The following AFAP1 variants were observed in gnomAD, a reference collection of about 807,000 sequenced individuals.
AFAP1 encodes the protein actin filament-associated protein 1.
A neutral mutation model predicts 93.9 loss-of-function variants in AFAP1; 75 were observed. That is an observed-to-expected ratio of 0.80 (90% CI 0.66 to 0.97). AFAP1 has a LOEUF of 0.97. Among genes scored for constraint, AFAP1 ranks in the 50% least tolerant of loss-of-function variants. AFAP1 has a pLI of 0.00. For synonymous variants in AFAP1, 517 were observed against 430.7 expected (o/e 1.20, Z -2.48); for missense variants, 1,201 against 1,050.8 (o/e 1.14, Z -1.98).
chr4:7,799,762 T>C (rs769877935), intron 10 of AFAP1, among the ~76,000 whole-genome samples: 2 of 152,170 alleles, frequency 1.3e-5, no homozygotes, highest in East Asian at 1.9e-4. Flanking sequence ...TTTTCTATGA[T>C]GAAAAATTAA....
rs531684652 is a variant in AFAP1 at position 7,801,914 on chromosome 4, C to CAAAAA, written c.1055-1266_1055-1262dup. On this transcript the variant is annotated intron_variant, in intron 9 of 17. Coordinates refer to ENST00000420658, the MANE Select transcript of AFAP1 (RefSeq NM_001134647.2). Reference sequence around the variant, plus strand: ...TGAGCAACACAGTGAGACCCTATCACAAAAAAAAAAAAAAAAAAAAAAAAA... The same window carrying CAAAAA: ...TGAGCAACACAGTGAGACCCTATCACAAAAAAAAAAAAAAAAAAAAAAAAAAAAAA... 1.1e-3 allele frequency among the ~76,000 whole-genome samples: 72 copies of CAAAAA among 65,190 alleles called. 4 individuals carry two copies. The highest frequency in any genetic ancestry group is 3.7e-3 in the African/African-American group (61 of 16,588). The allele number at this position is 65,190 out of a possible 152,430, so 42.8% of individuals were successfully genotyped here.
chr4:7,844,917 G>C (rs934205637), intron 4 of AFAP1, among the ~76,000 whole-genome samples: 1 of 152,190 alleles, frequency 6.6e-6, no homozygotes, highest in Non-Finnish European at 1.5e-5. Context: ...AGATGAATGA[G>C]AGATAAGGAG....
At chr4:7,916,133 A>C (rs1720074152) in intron 1 of AFAP1, among the ~76,000 whole-genome samples, 1 of 152,156 alleles carries the variant, frequency 6.6e-6, no homozygotes, top group South Asian at 2.1e-4. Flanking sequence ...GAAATGGGCA[A>C]TGTGCTTTGG....
chr4:7,855,475 T>G lies in AFAP1; in HGVS notation c.325A>C (p.Ile109Leu), dbSNP rs765123356. 1 of 1,607,110 alleles carries G rather than the reference T, an allele frequency of 6.2e-7. No homozygotes were observed. Among genetic ancestry groups the G allele is most frequent in the Admixed American group, 1.7e-5 (1 of 59,540 alleles). The change falls in exon 4 of 18, where the codon ATC becomes CTC. Residue 109 changes from isoleucine (I) to leucine (L), a missense_variant. Coordinates refer to ENST00000420658, the MANE Select transcript of AFAP1 (RefSeq NM_001134647.2). ...PLSPGKAPEY[I>L]TSNYDSDAMS... ...AGGGCTGGCCACTCACTTGATGTGA[T>G]GTATTCCGGAGCTTTTCCGGGGCTC...
At chr4:7,855,776 C>G (rs1250211198) in intron 3 of AFAP1, among the ~76,000 whole-genome samples, 1 of 152,230 alleles carries the variant, frequency 6.6e-6, no homozygotes, top group Non-Finnish European at 1.5e-5. Context: ...CTTGCCCCAG[C>G]CCTGGCCACA....
chr4:7,771,222 G>C (rs1021196080), intron 16 of AFAP1, among the ~76,000 whole-genome samples: 4 of 152,228 alleles, frequency 2.6e-5, no homozygotes. Context: ...AGCACACAGA[G>C]GGAACACAGA....
Position 7,807,545 on chromosome 4 carries a change from G to C in AFAP1, c.1054+2069C>G, listed in dbSNP as rs933470020. On this transcript the variant is annotated intron_variant, in intron 9 of 17. Coordinates refer to ENST00000420658, the MANE Select transcript of AFAP1 (RefSeq NM_001134647.2). ...CATCAGTACCAACTGGCCTGCTTCT[G>C]TGACTCAACTGCCATTTGACCAAGT... is the stretch of plus-strand genomic sequence containing the variant. 2.0e-5 allele frequency among the ~76,000 whole-genome samples: 3 copies of C among 152,212 alleles called. No homozygotes were observed. The East Asian group carries it at 5.8e-4, about 29-fold the overall frequency.
At chr4:7,862,632 G>GCTAT (rs1715866123) in intron 3 of AFAP1, among the ~76,000 whole-genome samples, 1 of 152,140 alleles carries the variant, frequency 6.6e-6, no homozygotes, top group Non-Finnish European at 1.5e-5. Flanking sequence ...AGGAAACTTG[G>GCTAT]CTATAATCTG....
chr4:7,831,393 T>TAAAAA (rs34512873), intron 6 of AFAP1, among the ~76,000 whole-genome samples: 3,003 of 137,790 alleles, frequency 0.022, 93 homozygotes, highest in African/African-American at 0.07. Flanking sequence ...CAGCAAATGC[T>TAAAAA]AAAAAAAAAA....
At chr4:7,925,825 A>G (rs762791466) in intron 1 of AFAP1, among the ~76,000 whole-genome samples, 2 of 146,348 alleles carry the variant, frequency 1.4e-5, no homozygotes, top group South Asian at 2.2e-4. Context: ...AGCCTAGGCA[A>G]TAAGAGCGAA....
intron 17 of AFAP1, among the ~76,000 whole-genome samples, chr4:7,767,642 A>G (rs1714792586): frequency 6.6e-6 from 1 of 152,008 alleles, no homozygotes; most frequent in Non-Finnish European, 1.5e-5. Context: ...ATGGAGGACC[A>G]CTGTTCTGGG....
At chr4:7,872,411 G>A in intron 1 of AFAP1, 1 of 211,014 alleles carries the variant, frequency 4.7e-6, no homozygotes, top group South Asian at 1.2e-4. Context: ...TCAATGTCAA[G>A]AAGGAGATGG....
intron 9 of AFAP1, among the ~76,000 whole-genome samples, chr4:7,805,166 G>A (rs1719392331): frequency 6.6e-6 from 1 of 152,134 alleles, no homozygotes; most frequent in Non-Finnish European, 1.5e-5. Context: ...CTCCCGAGTC[G>A]TGGGGATTCC....
At chr4:7,855,392 C>G in intron 4 of AFAP1, 74 bp downstream of exon 4, 1 of 1,216,356 alleles carries the variant, frequency 8.2e-7, no homozygotes, top group Non-Finnish European at 1.2e-6. Context: ...CCTTCCTACC[C>G]AGAAAGGGGA....
chr4:7,835,730 GTGGCTCTTGAATGGA>G (rs1712211510), intron 6 of AFAP1, among the ~76,000 whole-genome samples: 2 of 92,898 alleles, frequency 2.2e-5, no homozygotes, highest in Admixed American at 1.1e-4. Flanking sequence ...GGTTACCTGG[GTGGCTCTTGAATGGA>G]CTGCGGGCTG....
At chr4:7,889,158 G>A (rs1312980384) in intron 1 of AFAP1, among the ~76,000 whole-genome samples, 1 of 152,136 alleles carries the variant, frequency 6.6e-6, no homozygotes, top group Non-Finnish European at 1.5e-5. Context: ...AGACCAAATG[G>A]AGTTTACCCT....
In AFAP1 at chr4:7,768,878, G is replaced by A. The variant is rs778891105; in HGVS notation, c.2384C>T (p.Ser795Phe). ...CCGCAGCACATGCCCTCGGCAGGGG[G>A]AGCTGCCCGGGGCAGCCTGGCTCTT... ...LKKSQAAPGSSPCRGHVLRKA... is the reference protein window; with the variant it reads ...LKKSQAAPGSFPCRGHVLRKA... The change falls in exon 17 of 18, where the codon TCC becomes TTC. Residue 795 changes from serine to phenylalanine, a missense_variant. By Grantham distance (155) the Ser-to-Phe change is radical (BLOSUM62 -2). Transcript: ENST00000420658. 26 of 1,607,756 alleles carry A rather than the reference G, an allele frequency of 1.6e-5. No individual in the cohort carries two copies. Among genetic ancestry groups the A allele is most frequent in the Non-Finnish European group, 2.2e-5 (26 of 1,175,484 alleles).
intron 6 of AFAP1, among the ~76,000 whole-genome samples, chr4:7,833,801 G>A (rs941068635): frequency 6.6e-6 from 1 of 151,896 alleles, no homozygotes; most frequent in Non-Finnish European, 1.5e-5. Flanking sequence ...TGTTATCCAG[G>A]ATAGTCCCGA....
intron 12 of AFAP1, among the ~76,000 whole-genome samples, chr4:7,783,289 A>AC (rs772411922): frequency 4.6e-5 from 7 of 151,960 alleles, no homozygotes; most frequent in Non-Finnish European, 8.8e-5. Context: ...ACAGATACCC[A>AC]CCACCATGCC....
Sources: allele counts gnomAD v4.1 joint callset (sites outside exome capture counted in the v4.1 genomes callset), GRCh38; gene constraint gnomAD v4.1.1; transcripts MANE v1.5; gene names NCBI Gene and HGNC (gene_info 2026-07-23, HGNC 2026-07-21).